The following SYNPR variants were observed in gnomAD, a reference collection of about 807,000 sequenced individuals.
SYNPR encodes synaptoporin.
SYNPR carries 23 observed loss-of-function variants against 32.9 expected under a neutral mutation model. The ratio of observed to expected loss-of-function variants is 0.70; its 90% CI spans 0.50 to 0.99. The LOEUF is 0.99. Ranked by LOEUF, SYNPR falls within the 50% of genes least tolerant of loss-of-function variation. The pLI is 0.00. For synonymous variants in SYNPR, 146 were observed against 135.9 expected (o/e 1.07, Z -0.52); for missense variants, 318 against 349.3 (o/e 0.91, Z 0.71).
At chr3:63,384,950 A>G (rs981936209) in intron 2 of SYNPR, among the ~76,000 whole-genome samples, 54 of 152,146 alleles carry the variant, frequency 3.5e-4, no homozygotes, top group African/African-American at 1.3e-3. Context: ...ATTTGAATTT[A>G]ATAGTTTAGG....
At chr3:63,615,115 C>A in intron 5 of SYNPR, 109 bp from the exon 6 acceptor site, 1 of 1,339,516 alleles carries the variant, frequency 7.5e-7, no homozygotes, top group Non-Finnish European at 1.0e-6. Context: ...GCGGACTCAA[C>A]ATTAAAGTGA....
intron 2 of SYNPR, among the ~76,000 whole-genome samples, chr3:63,418,683 G>A (rs1199740026): frequency 6.6e-6 from 1 of 152,196 alleles, no homozygotes; most frequent in Non-Finnish European, 1.5e-5. Flanking sequence ...AGCAGGCAGA[G>A]AGTTTTGCAG....
intron 2 of SYNPR, among the ~76,000 whole-genome samples, chr3:63,319,139 A>G (rs2087079880): frequency 6.6e-6 from 1 of 151,996 alleles, no homozygotes; most frequent in Non-Finnish European, 1.5e-5. Context: ...CACGGATACC[A>G]GTGCTTGTTC....
At chr3:63,440,581 G>T (rs948960145) in intron 2 of SYNPR, among the ~76,000 whole-genome samples, 1 of 152,102 alleles carries the variant, frequency 6.6e-6, no homozygotes, top group East Asian at 1.9e-4. Context: ...AAATGTTAAT[G>T]CTCTATCTGG....
chr3:63,502,119 T>G (rs1242424234), intron 3 of SYNPR, among the ~76,000 whole-genome samples: 4 of 152,184 alleles, frequency 2.6e-5, no homozygotes, highest in African/African-American at 9.7e-5. Flanking sequence ...TTCACCTGTT[T>G]CTTTTTATTT....
chr3:63,262,214 A>T (rs963707130), intron 2 of SYNPR, among the ~76,000 whole-genome samples: 2 of 152,200 alleles, frequency 1.3e-5, no homozygotes, highest in Admixed American at 1.3e-4. Flanking sequence ...ATGCAATTTT[A>T]GGACTGGAAC....
chr3:63,573,650 G>A (rs372047622), intron 4 of SYNPR, among the ~76,000 whole-genome samples: 1 of 152,120 alleles, frequency 6.6e-6, no homozygotes, highest in Non-Finnish European at 1.5e-5. Flanking sequence ...TTGGTTCACT[G>A]AACCCTTCAT....
At chr3:63,332,876 G>T (rs1277387062) in intron 2 of SYNPR, among the ~76,000 whole-genome samples, 2 of 152,096 alleles carry the variant, frequency 1.3e-5, no homozygotes, top group Non-Finnish European at 2.9e-5. Context: ...GGGCTGCCTG[G>T]TCCCTTGGTT....
At chr3:63,501,387 G>C (rs1701475580) in intron 3 of SYNPR, among the ~76,000 whole-genome samples, 1 of 151,644 alleles carries the variant, frequency 6.6e-6, no homozygotes, top group African/African-American at 2.4e-5. Context: ...GCTGAGATGG[G>C]AGGATCACTT....
At chr3:63,330,371 T>C (rs1211526983) in intron 2 of SYNPR, 1 of 152,108 alleles carries the variant, frequency 6.6e-6, no homozygotes, top group Non-Finnish European at 1.5e-5. Context: ...TTAAAATGTA[T>C]GTTCAAATTC....
Position 63,474,690 on chromosome 3 carries a change from GTTGGCAAAC to G in SYNPR, c.85-6140_85-6132del, listed in dbSNP as rs1420291714. On this transcript the variant is annotated intron_variant, in intron 2 of 5. Coordinates refer to ENST00000478300, the MANE Select transcript of SYNPR (RefSeq NM_001130003.2). ...AGCTTTATTCCTGGGAGATTTGTTT[GTTGGCAAAC>G]TCAACTTAGTGGTACCAACCACTTG... is the stretch of plus-strand genomic sequence containing the variant. Among the ~76,000 whole-genome samples, 3 of 152,124 alleles carry G rather than the reference GTTGGCAAAC, an allele frequency of 2.0e-5. No homozygotes were observed. In the East Asian group the frequency reaches 5.8e-4, roughly 29 times the overall value.
chr3:63,226,086 G>T (rs2086126050), upstream of SYNPR, among the ~76,000 whole-genome samples: 1 of 152,142 alleles, frequency 6.6e-6, no homozygotes, highest in Admixed American at 6.5e-5. Context: ...ATGGCCAACG[G>T]ATAAATGTTC....
chr3:63,509,797 T>A (rs145616086), intron 3 of SYNPR, among the ~76,000 whole-genome samples: 1 of 152,300 alleles, frequency 6.6e-6, no homozygotes, highest in East Asian at 1.9e-4. Context: ...CTTAGCATGG[T>A]ATCTTGAAAT....
Position 63,462,158 on chromosome 3 carries a change from A to C in SYNPR, c.85-18674A>C, listed in dbSNP as rs75335436. On this transcript the variant is annotated intron_variant, in intron 2 of 5. Coordinates refer to ENST00000478300, the MANE Select transcript of SYNPR (RefSeq NM_001130003.2). ...CTGAGTCTGCATTCATCTATGTCTA[A>C]CTCTTTTCAAGACTAGCTCCTTTTC... Among the ~76,000 whole-genome samples the C allele has an allele frequency of 8.3e-3, 1,261 of 151,676 alleles. 57 individuals are homozygous for C. The East Asian group carries it at 0.13, about 16-fold the overall frequency.
intron 2 of SYNPR, among the ~76,000 whole-genome samples, chr3:63,464,564 G>T (rs907473041): frequency 4.0e-5 from 6 of 151,776 alleles, no homozygotes; most frequent in Non-Finnish European, 8.8e-5. Flanking sequence ...TTCCAACTCA[G>T]CGTAACTTCT....
At chr3:63,599,109 TG>T (rs929958599) in intron 4 of SYNPR, among the ~76,000 whole-genome samples, 16 of 152,342 alleles carry the variant, frequency 1.1e-4, no homozygotes, top group Non-Finnish European at 1.9e-4. Flanking sequence ...ATGGATGTTT[TG>T]GTCAGCAATG....
In SYNPR at chr3:63,278,328, G is replaced by C. The variant is rs1318960515; in HGVS notation, c.-206G>C. On this transcript the variant is annotated 5_prime_UTR_variant, in exon 1 of 6. Coordinates refer to ENST00000478300, the MANE Select transcript of SYNPR (RefSeq NM_001130003.2). ...TGCCCACCCCTCGCTGACTCGCTTC[G>C]CTTCCCCGACGCGCTGGGTTCCCGG... 1.3e-5 allele frequency: 8 copies of C among 615,538 alleles called. No individual in the cohort carries two copies. Among genetic ancestry groups the C allele is most frequent in the Non-Finnish European group, 2.2e-5 (8 of 355,574 alleles). The allele number at this position is 615,538 out of a possible 1,614,324, so 38.1% of individuals were successfully genotyped here.
chr3:63,569,457 A>G (rs1221057016), intron 4 of SYNPR, among the ~76,000 whole-genome samples: 1 of 152,178 alleles, frequency 6.6e-6, no homozygotes, highest in African/African-American at 2.4e-5. Flanking sequence ...AAAAAGACCT[A>G]CAAAGATAAT....
chr3:63,201,559 G>T, the SYNPR span, among the ~76,000 whole-genome samples: 1 of 152,014 alleles, frequency 6.6e-6, no homozygotes, highest in African/African-American at 2.4e-5. Context: ...TGCCTTAAAT[G>T]TGTGGTACTG....
Sources: gnomAD v4.1 joint callset for allele counts (sites outside exome capture counted in the v4.1 genomes callset) on GRCh38, gnomAD v4.1.1 for gene constraint, MANE v1.5 for transcripts, NCBI Gene and HGNC (gene_info 2026-07-23, HGNC 2026-07-21) for gene names.